The following COMMD10 variants were observed in gnomAD, a reference collection of about 807,000 sequenced individuals.
The protein encoded by COMMD10 is COMM domain containing 10.
COMMD10 carries 33 observed loss-of-function variants against 28.9 expected under a neutral mutation model. The ratio of observed to expected loss-of-function variants is 1.14; its 90% CI spans 0.87 to 1.53. The LOEUF (loss-of-function observed/expected upper bound fraction) is 1.53. Ranked by LOEUF, COMMD10 falls within the 40% of genes most tolerant of loss-of-function variation. The pLI, the probability that COMMD10 is intolerant of heterozygous loss-of-function variation, is 0.00. For synonymous variants in COMMD10, 110 were observed against 81.7 expected (o/e 1.35, Z -1.87); for missense variants, 310 against 233.4 (o/e 1.33, Z -2.14).
rs1312253957 is a variant in COMMD10 at position 116,288,870 on chromosome 5, CTCT to C, written c.511-2645_511-2643del. ...TTGTTTTCAATTGTTGGTGTTCTCT[CTCT>C]TTTTTTTTTTTTTTTTTTTTTTTTT... On this transcript the variant is annotated intron_variant, in intron 5 of 6. Coordinates refer to ENST00000274458, the MANE Select transcript of COMMD10 (RefSeq NM_016144.4). Among the ~76,000 whole-genome samples the C allele has an allele frequency of 1.1e-4, 14 of 129,262 alleles. No individual in the cohort carries two copies. In the Admixed American group the frequency reaches 1.1e-3, roughly 10 times the overall value. The allele number at this position is 129,262 out of a possible 152,430, so 84.8% of individuals were successfully genotyped here. A position where few individuals can be genotyped will look rare whatever the true frequency, so the allele number is the denominator to read the frequency against.
intron 4 of COMMD10, among the ~76,000 whole-genome samples, chr5:116,097,734 G>C (rs1308310996): frequency 6.6e-6 from 1 of 152,096 alleles, no homozygotes; most frequent in African/African-American, 2.4e-5. Context: ...CTTCTGGGGA[G>C]GCCTCAGGAA....
chr5:116,167,611 C>G (rs1753173863), intron 5 of COMMD10, among the ~76,000 whole-genome samples: 1 of 152,074 alleles, frequency 6.6e-6, no homozygotes, highest in African/African-American at 2.4e-5. Context: ...TCAGGGAAGC[C>G]CATCAGACTA....
At chr5:116,247,459 A>G (rs1352673056) in intron 5 of COMMD10, among the ~76,000 whole-genome samples, 1 of 152,018 alleles carries the variant, frequency 6.6e-6, no homozygotes, top group Non-Finnish European at 1.5e-5. Context: ...CAGCAATCTC[A>G]TTGCTGGGTA....
At position 116,123,296 on chromosome 5, in the gene COMMD10, C is replaced by T. The variant is rs146515952; in HGVS notation, c.400-10772C>T. ...AGCATGAAGGGCTGTTGAATTTTGT[C>T]GAAGGCCTTTCCTGCATCTACTGAG... is the stretch of plus-strand genomic sequence containing the variant. On this transcript the variant is annotated intron_variant, in intron 4 of 6. Coordinates refer to ENST00000274458, the MANE Select transcript of COMMD10 (RefSeq NM_016144.4). Among the ~76,000 whole-genome samples the T allele has an allele frequency of 1.1e-4, 16 of 152,180 alleles. No individual in the cohort carries two copies. The East Asian group carries it at 2.9e-3, about 28-fold the overall frequency.
At chr5:116,115,447 A>C (rs1487649938) in intron 4 of COMMD10, among the ~76,000 whole-genome samples, 1 of 152,188 alleles carries the variant, frequency 6.6e-6, no homozygotes, top group Non-Finnish European at 1.5e-5. Flanking sequence ...TTACATTATA[A>C]GTGTGACTTT....
intron 5 of COMMD10, among the ~76,000 whole-genome samples, chr5:116,138,220 A>G (rs1449454442): frequency 6.6e-6 from 1 of 151,906 alleles, no homozygotes; most frequent in Non-Finnish European, 1.5e-5. Context: ...AAATTTGTAT[A>G]TGATCATTTG....
intron 5 of COMMD10, among the ~76,000 whole-genome samples, chr5:116,230,075 G>A (rs979455836): frequency 2.0e-5 from 3 of 151,766 alleles, no homozygotes; most frequent in South Asian, 2.1e-4. Flanking sequence ...TATCATAAAG[G>A]TTCATTCTGT....
chr5:116,120,583 C>A (rs2112750481), intron 4 of COMMD10, among the ~76,000 whole-genome samples: 1 of 152,210 alleles, frequency 6.6e-6, no homozygotes, highest in African/African-American at 2.4e-5. Context: ...TCCCTTACTG[C>A]CCTAACCTAG....
intron 5 of COMMD10, among the ~76,000 whole-genome samples, chr5:116,280,343 C>T (rs1358040362): frequency 1.3e-5 from 2 of 151,848 alleles, no homozygotes; most frequent in African/African-American, 2.4e-5. Context: ...CTTTCTCAGG[C>T]TGGTGCCCTT....
chr5:116,204,808 A>G (rs1331108837), intron 5 of COMMD10, among the ~76,000 whole-genome samples: 2 of 152,150 alleles, frequency 1.3e-5, no homozygotes, highest in African/African-American at 2.4e-5. Context: ...AGGTCGTGGT[A>G]TACGGTATTA....
At chr5:116,275,216 C>G (rs1750871419) in intron 5 of COMMD10, among the ~76,000 whole-genome samples, 1 of 151,794 alleles carries the variant, frequency 6.6e-6, no homozygotes, top group Non-Finnish European at 1.5e-5. Context: ...CAAAATAGCT[C>G]TTAAATCTGT....
At chr5:116,124,689 A>C (rs961386210) in intron 4 of COMMD10, among the ~76,000 whole-genome samples, 3 of 152,084 alleles carry the variant, frequency 2.0e-5, no homozygotes, top group Non-Finnish European at 4.4e-5. Flanking sequence ...TCCCATTGTT[A>C]TTGTATGGGA....
intron 5 of COMMD10, among the ~76,000 whole-genome samples, chr5:116,163,696 G>A (rs1440960587): frequency 1.3e-5 from 2 of 152,150 alleles, no homozygotes. Context: ...TTATGGTATG[G>A]CATTATTGAA....
chr5:116,108,819 G>A (rs1237401478), intron 4 of COMMD10, among the ~76,000 whole-genome samples: 5 of 152,136 alleles, frequency 3.3e-5, no homozygotes, highest in Non-Finnish European at 7.4e-5. Context: ...CAGGGCCTAG[G>A]TGGCATAGGC....
At chr5:116,203,316 G>T (rs11957730) in intron 5 of COMMD10, among the ~76,000 whole-genome samples, 16,895 of 152,042 alleles carry the variant, frequency 0.11, 1,351 homozygotes, top group African/African-American at 0.22. Context: ...AAAACACTCT[G>T]CAGGATATTG....
chr5:116,092,481 G>T, intron 3 of COMMD10, 64 bp from the exon 4 acceptor site: 2 of 1,153,418 alleles, frequency 1.7e-6, no homozygotes, highest in East Asian at 2.5e-5. Flanking sequence ...TTTGTATTTA[G>T]TATAGTTTAA....
chr5:116,269,232 C>G (rs989527403), intron 5 of COMMD10, among the ~76,000 whole-genome samples: 3 of 151,834 alleles, frequency 2.0e-5, no homozygotes, highest in African/African-American at 7.3e-5. Context: ...TTATTATACA[C>G]TTTATTTCAA....
At chr5:116,250,544 T>G (rs1750082391) in intron 5 of COMMD10, among the ~76,000 whole-genome samples, 1 of 151,784 alleles carries the variant, frequency 6.6e-6, no homozygotes, top group South Asian at 2.1e-4. Context: ...TTATCCTTCC[T>G]GACACCTCAC....
chr5:116,257,289 A>G (rs1750314612), intron 5 of COMMD10, among the ~76,000 whole-genome samples: 1 of 151,630 alleles, frequency 6.6e-6, no homozygotes, highest in African/African-American at 2.4e-5. Flanking sequence ...AGATTTTCAG[A>G]TTAGGGATGC....
Sources: allele counts gnomAD v4.1 joint callset (sites outside exome capture counted in the v4.1 genomes callset), GRCh38; gene constraint gnomAD v4.1.1; transcripts MANE v1.5; gene names NCBI Gene and HGNC (gene_info 2026-07-23, HGNC 2026-07-21).